The following HSF2BP variants were observed in gnomAD, a reference collection of about 807,000 sequenced individuals.
HSF2BP encodes the protein heat shock factor 2-binding protein.
A neutral mutation model predicts 35.0 loss-of-function variants in HSF2BP; 35 were observed. The observed-to-expected ratio is 1.00, with a 90% CI of 0.76 to 1.32. The LOEUF (loss-of-function observed/expected upper bound fraction) is 1.32, where lower values mean the gene tolerates loss of function less well. Among genes scored for constraint, HSF2BP ranks in the 40% most tolerant of loss-of-function variants. The probability of loss-of-function intolerance (pLI) is 0.00; values close to 1 mark genes in which losing one functional copy is unlikely to be tolerated. For synonymous variants in HSF2BP, 114 were observed against 117.4 expected, an observed-to-expected ratio of 0.97 and a Z score of 0.18; for missense variants, 326 against 321.7, an observed-to-expected ratio of 1.01 and a Z score of -0.10.
At chr21:43,598,746 C>G (rs966171059) in intron 7 of HSF2BP, among the ~76,000 whole-genome samples, 5 of 152,132 alleles carry the variant, frequency 3.3e-5, no homozygotes, top group African/African-American at 4.8e-5. Flanking sequence ...GTATTAAGGG[C>G]TACTCAAATG....
At chr21:43,611,913 A>T (rs2082209420) in intron 7 of HSF2BP, among the ~76,000 whole-genome samples, 2 of 152,100 alleles carry the variant, frequency 1.3e-5, no homozygotes, top group Non-Finnish European at 2.9e-5. Context: ...TGACCCCAAA[A>T]AGTTGTTTAT....
intron 4 of HSF2BP, among the ~76,000 whole-genome samples, chr21:43,640,675 A>G (rs1369461384): frequency 1.3e-5 from 2 of 152,218 alleles, no homozygotes; most frequent in African/African-American, 4.8e-5. Flanking sequence ...AGATATCACC[A>G]CTAGGGAAAA....
chr21:43,634,692 C>T (rs776628829), intron 4 of HSF2BP, among the ~76,000 whole-genome samples: 56 of 152,286 alleles, frequency 3.7e-4, no homozygotes, highest in Non-Finnish European at 6.5e-4. Flanking sequence ...TACGTATATG[C>T]ACACATGTAT....
Position 43,657,510 on chromosome 21 carries a change from A to G in HSF2BP, c.36+551T>C, listed in dbSNP as rs947491803. 1.4e-4 allele frequency among the ~76,000 whole-genome samples: 21 copies of G among 152,106 alleles called. 1 individual carries two copies. The highest frequency in any genetic ancestry group is 6.5e-4 in the Admixed American group (10 of 15,282). ...CCCTCCGCCCGTGATCTCATCTACT[A>G]TTCACCCCAAGCCTCCAAGATTGTC... On this transcript the variant is annotated intron_variant, in intron 2 of 8. Transcript: ENST00000291560.
the HSF2BP span, chr21:43,467,360 G>C: frequency 4.4e-5 from 2 of 45,500 alleles, no homozygotes; most frequent in African/African-American, 2.0e-4. Context: ...GGACGCTAGA[G>C]GGGTCCCGAG....
At chr21:43,658,419 G>A (rs1053388953) in intron 1 of HSF2BP, 99 bp from the exon 2 acceptor site, 10 of 348,960 alleles carry the variant, frequency 2.9e-5, no homozygotes, top group Non-Finnish European at 5.2e-5. Context: ...CACTAAGGGG[G>A]ACTGCGTTCA....
chr21:43,604,918 GAC>G (rs2082111133), intron 7 of HSF2BP, among the ~76,000 whole-genome samples: 1 of 56,496 alleles, frequency 1.8e-5, no homozygotes, highest in African/African-American at 9.0e-5. Context: ...ACACCACAAA[GAC>G]ACATCACATA....
intron 8 of HSF2BP, among the ~76,000 whole-genome samples, chr21:43,576,722 T>C (rs2081649212): frequency 6.6e-6 from 1 of 152,200 alleles, no homozygotes; most frequent in East Asian, 1.9e-4. Flanking sequence ...TCTTAAAACA[T>C]GCAAAGTGAA....
intron 7 of HSF2BP, among the ~76,000 whole-genome samples, chr21:43,606,658 T>C (rs549910219): frequency 1.3e-5 from 2 of 152,206 alleles, no homozygotes; most frequent in African/African-American, 4.8e-5. Context: ...TGAAATTAGA[T>C]TGTTGAATGA....
In HSF2BP at chr21:43,656,639, T is replaced by C; in HGVS notation, c.135A>G (p.Ile45Met). The C allele has an allele frequency of 1.2e-6, 2 of 1,613,984 alleles. No homozygotes were observed. Among genetic ancestry groups the C allele is most frequent in the Non-Finnish European group, 1.7e-6 (2 of 1,179,942 alleles). Residue 45 changes from isoleucine (I) to methionine (M), a missense_variant, in exon 3 of 9, where the codon ATA (isoleucine) becomes ATG (methionine). Coordinates refer to ENST00000291560, the MANE Select transcript of HSF2BP (RefSeq NM_007031.2). ...VMQIRDFLPR[I>M]LNGEVLESFQ... ...AGCTCTCCAGCACCTCCCCATTTAGTATTCTGGGTAAGAAGTCCCGTATTT... is the reference window on the plus strand; with the variant it reads ...AGCTCTCCAGCACCTCCCCATTTAGCATTCTGGGTAAGAAGTCCCGTATTT...
intron 5 of HSF2BP, among the ~76,000 whole-genome samples, chr21:43,630,915 G>A (rs987088971): frequency 2.0e-5 from 3 of 152,134 alleles, no homozygotes; most frequent in African/African-American, 4.8e-5. Flanking sequence ...GCATTTCCAA[G>A]TTTGAACCTT....
chr21:43,627,013 G>A (rs2082398472), intron 6 of HSF2BP, among the ~76,000 whole-genome samples: 1 of 151,956 alleles, frequency 6.6e-6, no homozygotes, highest in Admixed American at 6.6e-5. Flanking sequence ...GATTACAGGT[G>A]TGCGCCACCA....
At chr21:43,611,957 T>C (rs2082209871) in intron 7 of HSF2BP, among the ~76,000 whole-genome samples, 1 of 152,208 alleles carries the variant, frequency 6.6e-6, no homozygotes, top group Non-Finnish European at 1.5e-5. Context: ...TGTGCCTGTG[T>C]GGATCTGATC....
intron 6 of HSF2BP, among the ~76,000 whole-genome samples, chr21:43,627,724 G>A (rs1026021223): frequency 2.6e-5 from 4 of 152,110 alleles, no homozygotes; most frequent in Non-Finnish European, 4.4e-5. Context: ...GGCACATTTC[G>A]TTTTATTGCA....
chr21:43,652,537 G>A lies in HSF2BP; in HGVS notation c.187+4050C>T, dbSNP rs541811296. Among the ~76,000 whole-genome samples, 10 of 152,158 alleles carry A rather than the reference G, an allele frequency of 6.6e-5. No individual in the cohort carries two copies. The South Asian group carries it at 2.1e-3, about 32-fold the overall frequency. On this transcript the variant is annotated intron_variant, in intron 3 of 8. Coordinates refer to ENST00000291560, the MANE Select transcript of HSF2BP (RefSeq NM_007031.2). ...CGGCTCTTGCTGCCACAGTACAATC[G>A]TGAATTTCCTCTGTAGAGCTCTATT...
At chr21:43,633,787 C>T (rs2082515948) in intron 4 of HSF2BP, among the ~76,000 whole-genome samples, 1 of 152,190 alleles carries the variant, frequency 6.6e-6, no homozygotes. Context: ...GCAATTTACC[C>T]AGAAAGCAAC....
rs753437855 is a variant in HSF2BP, at chr21:43,658,082, G to T, written c.15C>A (p.Gly5=). The change falls in exon 2 of 9, where the codon GGC becomes GGA. Residue 5 remains glycine (G), a synonymous_variant. Transcript: ENST00000291560. ...TAACCCGGCAGGCCTCCTCAGCGGC[G>T]CCCGCTTCGCCCATGGCCGCTGCCG... The part of the protein sequence containing the change: MGEA[G]AAEEACRHMG... 32 of 1,534,846 alleles carry T rather than the reference G, an allele frequency of 2.1e-5. No homozygotes were observed. In the South Asian group the frequency reaches 2.6e-4, roughly 13 times the overall value.
At chr21:43,636,353 T>C (rs2082558851) in intron 4 of HSF2BP, among the ~76,000 whole-genome samples, 2 of 151,970 alleles carry the variant, frequency 1.3e-5, no homozygotes, top group African/African-American at 4.8e-5. Flanking sequence ...GTTAGGCAAA[T>C]ATTTCTTAGA....
chr21:43,584,995 A>AT (rs1568887870), intron 8 of HSF2BP, among the ~76,000 whole-genome samples: 2 of 151,482 alleles, frequency 1.3e-5, no homozygotes, highest in African/African-American at 4.9e-5. Context: ...ATTTTATTTA[A>AT]TTATTTATTT....
Sources: gnomAD v4.1 joint callset for allele counts (sites outside exome capture counted in the v4.1 genomes callset) on GRCh38, gnomAD v4.1.1 for gene constraint, MANE v1.5 for transcripts, NCBI Gene and HGNC (gene_info 2026-07-23, HGNC 2026-07-21) for gene names.